The following PLCE1 variants were observed in gnomAD, a reference collection of about 807,000 sequenced individuals.
PLCE1 encodes the protein phospholipase C epsilon 1.
A neutral mutation model predicts 242.8 loss-of-function variants in PLCE1; 119 were observed. That is an observed-to-expected ratio of 0.49 (90% CI 0.42 to 0.57). The LOEUF (loss-of-function observed/expected upper bound fraction) is 0.57, where lower values mean the gene tolerates loss of function less well. Ranked by LOEUF, PLCE1 falls within the 20% of genes least tolerant of loss-of-function variation. PLCE1 has a pLI of 0.00. For missense variants in PLCE1, 2,441 were observed against 2,788.8 expected (o/e 0.88, Z 2.81); for synonymous variants, 945 against 1,017.4 (o/e 0.93, Z 1.35).
At chr10:94,073,545 A>G (rs2044420377) in intron 2 of PLCE1, among the ~76,000 whole-genome samples, 1 of 152,168 alleles carries the variant, frequency 6.6e-6, no homozygotes, top group Non-Finnish European at 1.5e-5. Flanking sequence ...TATGGAGAAG[A>G]CAGCATTTTA....
intron 2 of PLCE1, among the ~76,000 whole-genome samples, chr10:94,125,873 C>G (rs2046422807): frequency 6.6e-6 from 1 of 152,256 alleles, no homozygotes; most frequent in African/African-American, 2.4e-5. Flanking sequence ...CAAGAAAAAG[C>G]TCTGGCTATT....
chr10:94,065,352 G>A (rs1414179176), intron 2 of PLCE1, among the ~76,000 whole-genome samples: 3 of 152,192 alleles, frequency 2.0e-5, no homozygotes, highest in Non-Finnish European at 4.4e-5. Context: ...TATGACACTT[G>A]CTCTATGGAG....
rs2054152762 is a variant in PLCE1, at chr10:94,331,243, C to T, written c.*3300C>T. Reference sequence around the variant, plus strand: ...TATGGGAGGCTTTTATGCCTCCCATCTCAATACCTCTGGAGACACTGGAAG... The same window carrying T: ...TATGGGAGGCTTTTATGCCTCCCATTTCAATACCTCTGGAGACACTGGAAG... On this transcript the variant is annotated 3_prime_UTR_variant, in exon 33 of 33. Transcript: ENST00000371380. The T allele has an allele frequency of 6.6e-6, 1 of 152,170 alleles. No homozygotes were observed. Among genetic ancestry groups the T allele is most frequent in the Admixed American group, 6.5e-5 (1 of 15,278 alleles). 9.4% of individuals were successfully genotyped at this position (152,170 alleles called of 1,614,324 possible).
At chr10:94,125,497 A>G (rs574267774) in intron 2 of PLCE1, among the ~76,000 whole-genome samples, 18 of 151,878 alleles carry the variant, frequency 1.2e-4, no homozygotes, top group South Asian at 1.0e-3. Context: ...GGTTCATGCC[A>G]TTCTCCTGCC....
Position 94,254,286 on chromosome 10 carries a change from A to G in PLCE1, c.3376A>G (p.Ile1126Val), listed in dbSNP as rs377402718. 24 of 1,612,124 alleles carry G rather than the reference A, an allele frequency of 1.5e-5. No homozygotes were observed. The East Asian group carries it at 2.5e-4, about 16-fold the overall frequency. Residue 1126 changes from isoleucine to valine, a missense_variant, in exon 10 of 33, where the codon ATT (isoleucine) becomes GTT (valine). Ile to Val is a conservative substitution (Grantham distance 29). Coordinates refer to ENST00000371380, the MANE Select transcript of PLCE1 (RefSeq NM_016341.4). The part of the protein sequence containing the change: ...RSRSGSDPQD[I>V]NEQEESEVNA... Reference sequence around the variant, plus strand: ...CCGGAGTGGTTCTGATCCTCAAGACATTAATGAACAAGAAGAATCAGGTAA... The same window carrying G: ...CCGGAGTGGTTCTGATCCTCAAGACGTTAATGAACAAGAAGAATCAGGTAA...
Position 94,262,609 on chromosome 10 carries a change from T to C in PLCE1, c.3930T>C (p.Asn1310=), listed in dbSNP as rs2051341070. 5 of 1,614,062 alleles carry C rather than the reference T, an allele frequency of 3.1e-6. No individual in the cohort carries two copies. Among genetic ancestry groups the C allele is most frequent in the Non-Finnish European group, 3.4e-6 (4 of 1,179,928 alleles). The change falls in exon 14 of 33, where the codon AAT becomes AAC. Residue 1310 remains asparagine (N), a synonymous_variant. Transcript: ENST00000371380. ...DAIAAASIVT[N]GTGIESTSLG... ...TTGCTGCTGCAAGCATTGTGACAAATGGCACTGGGATTGAGAGCACATCTC... is the reference window on the plus strand; with the variant it reads ...TTGCTGCTGCAAGCATTGTGACAAACGGCACTGGGATTGAGAGCACATCTC...
intron 4 of PLCE1, among the ~76,000 whole-genome samples, chr10:94,200,369 G>A (rs556878084): frequency 6.6e-6 from 1 of 152,306 alleles, no homozygotes; most frequent in African/African-American, 2.4e-5. Context: ...AAACACAAGT[G>A]ATGGGGTGTG....
intron 2 of PLCE1, among the ~76,000 whole-genome samples, chr10:94,118,764 C>T (rs1356718128): frequency 1.3e-5 from 2 of 152,112 alleles, no homozygotes; most frequent in Non-Finnish European, 1.5e-5. Context: ...ACCGTGAAAA[C>T]GGACTAATAC....
intron 4 of PLCE1, among the ~76,000 whole-genome samples, chr10:94,180,735 G>A (rs897455427): frequency 6.6e-6 from 1 of 152,192 alleles, no homozygotes; most frequent in Non-Finnish European, 1.5e-5. Flanking sequence ...TGATTAGGCT[G>A]TGAGGGCTCC....
intron 3 of PLCE1, among the ~76,000 whole-genome samples, chr10:94,153,718 C>G (rs1046213271): frequency 6.6e-6 from 1 of 152,064 alleles, no homozygotes; most frequent in South Asian, 2.1e-4. Flanking sequence ...TGTTGTATTT[C>G]TACAAACCAG....
intron 7 of PLCE1, among the ~76,000 whole-genome samples, chr10:94,245,152 C>T (rs977425982): frequency 6.6e-6 from 1 of 151,992 alleles, no homozygotes; most frequent in Non-Finnish European, 1.5e-5. Context: ...AATGAAAATC[C>T]CAGGTATAAA....
intron 2 of PLCE1, among the ~76,000 whole-genome samples, chr10:94,064,074 T>C (rs1031572565): frequency 6.6e-6 from 1 of 152,150 alleles, no homozygotes; most frequent in South Asian, 2.1e-4. Flanking sequence ...TTTGTTAACC[T>C]TGATATTTCT....
chr10:94,296,018 A>G (rs936832118), intron 23 of PLCE1, among the ~76,000 whole-genome samples: 4 of 152,158 alleles, frequency 2.6e-5, no homozygotes, highest in South Asian at 2.1e-4. Flanking sequence ...TAGCTATGAA[A>G]GTCCTAGGTG....
chr10:94,085,513 C>T lies in PLCE1; in HGVS notation c.1207-46661C>T, dbSNP rs78847342. ...AGAGCTGTGCTTGGAGGAGTCATCC[C>T]GAGTTCCTGCAGACAGGACTGTTAG... On this transcript the variant is annotated intron_variant, in intron 2 of 32. Coordinates refer to ENST00000371380, the MANE Select transcript of PLCE1 (RefSeq NM_016341.4). Among the ~76,000 whole-genome samples, 765 of 152,286 alleles carry T rather than the reference C, an allele frequency of 5.0e-3. 4 individuals are homozygous for T. The highest frequency in any genetic ancestry group is 0.024 in the Middle Eastern group (7 of 294).
At chr10:94,040,656 T>TG (rs754653407) in intron 2 of PLCE1, among the ~76,000 whole-genome samples, 5 of 152,210 alleles carry the variant, frequency 3.3e-5, no homozygotes, top group Non-Finnish European at 5.9e-5. Context: ...GCAGCTCCCT[T>TG]GTCCCACTCT....
intron 2 of PLCE1, among the ~76,000 whole-genome samples, chr10:94,038,811 T>C (rs2061713432): frequency 6.6e-6 from 1 of 152,232 alleles, no homozygotes; most frequent in Non-Finnish European, 1.5e-5. Flanking sequence ...CAGGCATCAC[T>C]ACAGTCAATT....
intron 19 of PLCE1, among the ~76,000 whole-genome samples, chr10:94,277,692 C>T (rs564665552): frequency 2.0e-5 from 3 of 152,294 alleles, no homozygotes; most frequent in South Asian, 2.1e-4. Context: ...ATAAACAGAC[C>T]TGCTTTTGTG....
chr10:94,002,971 G>T (rs1416782837), intron 1 of PLCE1, among the ~76,000 whole-genome samples: 1 of 152,164 alleles, frequency 6.6e-6, no homozygotes, highest in Non-Finnish European at 1.5e-5. Context: ...ACCACTCGAG[G>T]AATACCAGTT....
chr10:94,173,635 A>G (rs897552331), intron 4 of PLCE1, among the ~76,000 whole-genome samples: 1 of 152,194 alleles, frequency 6.6e-6, no homozygotes, highest in Admixed American at 6.5e-5. Flanking sequence ...CACTTCCATA[A>G]CCTTGGGAAT....
Sources: gnomAD v4.1 joint callset for allele counts (sites outside exome capture counted in the v4.1 genomes callset) on GRCh38, gnomAD v4.1.1 for gene constraint, MANE v1.5 for transcripts, NCBI Gene and HGNC (gene_info 2026-07-23, HGNC 2026-07-21) for gene names.